Variants in KLHL1 observed in about 807,000 individuals in gnomAD.
The protein encoded by KLHL1 is kelch-like protein 1.
In KLHL1, 47 loss-of-function variants were observed where a neutral mutation model predicts 77.7. The ratio of observed to expected loss-of-function variants is 0.60; its 90% confidence interval spans 0.48 to 0.77. The LOEUF is 0.77. Ranked by LOEUF, KLHL1 falls within the 30% of genes least tolerant of loss-of-function variation. KLHL1 has a pLI of 0.00. For missense variants in KLHL1, 925 were observed against 910.8 expected (o/e 1.02, Z -0.20); for synonymous variants, 360 against 325.2 (o/e 1.11, Z -1.15).
intron 7 of KLHL1, among the ~76,000 whole-genome samples, chr13:69,775,643 G>A (rs545657258): frequency 5.9e-5 from 9 of 152,032 alleles, no homozygotes; most frequent in Non-Finnish European, 1.2e-4. Flanking sequence ...TTCATAAAGG[G>A]TTATTTTTTG....
intron 1 of KLHL1, among the ~76,000 whole-genome samples, chr13:70,068,370 CAAA>C (rs747930110): frequency 8.7e-6 from 1 of 115,512 alleles, no homozygotes; most frequent in African/African-American, 3.0e-5. Context: ...AAAACAAAAA[CAAA>C]AAAAAAGGAT....
intron 1 of KLHL1, among the ~76,000 whole-genome samples, chr13:70,036,911 C>T (rs1460909352): frequency 7.0e-6 from 1 of 142,140 alleles, no homozygotes; most frequent in Non-Finnish European, 1.5e-5. Flanking sequence ...TAGTGTTACC[C>T]CAAAATTAAT....
At chr13:69,984,150 A>G (rs1228801672) in intron 1 of KLHL1, among the ~76,000 whole-genome samples, 2 of 152,180 alleles carry the variant, frequency 1.3e-5, no homozygotes, top group Non-Finnish European at 1.5e-5. Context: ...GTACAAATAG[A>G]CAAGCGGGAA....
At chr13:69,744,526 T>C (rs541363624) in intron 7 of KLHL1, among the ~76,000 whole-genome samples, 1 of 150,690 alleles carries the variant, frequency 6.6e-6, no homozygotes, top group Non-Finnish European at 1.5e-5. Flanking sequence ...TATAAATACA[T>C]ATTAAATTAC....
intron 2 of KLHL1, among the ~76,000 whole-genome samples, chr13:69,969,620 ACC>A (rs1884320404): frequency 6.6e-6 from 1 of 152,140 alleles, no homozygotes. Flanking sequence ...ATATCGTGTA[ACC>A]TATATTATTC....
Position 69,719,450 on chromosome 13 carries a change from C to T in KLHL1, c.1934G>A (p.Cys645Tyr), listed in dbSNP as rs531126589. ...KRRGGVGVATCDGFLYAVGGH... is the reference protein window; with the variant it reads ...KRRGGVGVATYDGFLYAVGGH... ...TCCTACTGCATAAAGAAAACCGTCA[C>T]ATGTGGCCACTCCGACACCCCCTCT... Residue 645 changes from cysteine (C) to tyrosine (Y), a missense_variant, in exon 9 of 11, where the codon TGT becomes TAT. Cys to Tyr is a radical substitution (Grantham distance 194, BLOSUM62 -2). Coordinates refer to ENST00000377844, the MANE Select transcript of KLHL1 (RefSeq NM_020866.3). 62 of 1,613,516 alleles carry T rather than the reference C, an allele frequency of 3.8e-5. No homozygotes were observed. Among genetic ancestry groups the T allele is most frequent in the Non-Finnish European group, 5.1e-5 (60 of 1,179,774 alleles).
chr13:69,783,332 T>A (rs1245871017), intron 7 of KLHL1, among the ~76,000 whole-genome samples: 3 of 152,190 alleles, frequency 2.0e-5, no homozygotes, highest in Non-Finnish European at 4.4e-5. Context: ...GGAGAATGAC[T>A]TTGATGAGTT....
intron 1 of KLHL1, among the ~76,000 whole-genome samples, chr13:70,094,028 C>A (rs1257610336): frequency 6.6e-6 from 1 of 151,930 alleles, no homozygotes; most frequent in Non-Finnish European, 1.5e-5. Context: ...TTTAATTTAA[C>A]CAATCATGAA....
At chr13:69,796,510 C>G (rs2138037764) in intron 7 of KLHL1, among the ~76,000 whole-genome samples, 1 of 152,280 alleles carries the variant, frequency 6.6e-6, no homozygotes, top group Admixed American at 6.5e-5. Flanking sequence ...CATGGCCTCC[C>G]TTTGCCTTCT....
intron 1 of KLHL1, among the ~76,000 whole-genome samples, chr13:70,049,307 TA>T (rs1470506401): frequency 1.3e-5 from 2 of 152,156 alleles, no homozygotes; most frequent in East Asian, 1.9e-4. Flanking sequence ...TGAAGTTGAA[TA>T]AAAAATAATT....
intron 2 of KLHL1, among the ~76,000 whole-genome samples, chr13:69,967,372 C>T (rs369724710): frequency 4.3e-4 from 65 of 152,184 alleles, no homozygotes; most frequent in African/African-American, 1.5e-3. Context: ...TTTAAGACAT[C>T]AGTGGAGGAA....
intron 4 of KLHL1, among the ~76,000 whole-genome samples, chr13:69,926,704 T>G (rs947535989): frequency 6.6e-6 from 1 of 151,728 alleles, no homozygotes; most frequent in Non-Finnish European, 1.5e-5. Flanking sequence ...TCCCAGCACT[T>G]TGGGAGGCTG....
intron 3 of KLHL1, among the ~76,000 whole-genome samples, chr13:69,958,072 A>AT (rs1266040452): frequency 2.0e-5 from 3 of 151,632 alleles, no homozygotes; most frequent in East Asian, 3.9e-4. Flanking sequence ...AAGAATTATT[A>AT]TTTTTTTAAA....
intron 5 of KLHL1, among the ~76,000 whole-genome samples, chr13:69,855,509 A>G (rs552754372): frequency 1.1e-3 from 135 of 123,290 alleles, no homozygotes; most frequent in African/African-American, 4.2e-3. Flanking sequence ...TAATTTCCAC[A>G]TATCAAGGGA....
Position 70,093,157 on chromosome 13 carries a change from A to G in KLHL1, c.497+14046T>C, listed in dbSNP as rs906271205. 3.3e-5 allele frequency among the ~76,000 whole-genome samples: 5 copies of G among 152,178 alleles called. No homozygotes were observed. The South Asian group carries it at 8.3e-4, about 25-fold the overall frequency. On this transcript the variant is annotated intron_variant, in intron 1 of 10. Transcript: ENST00000377844. ...TAATTATGTGATTGTCTAGAATTGA[A>G]TATCTTAGAAGAGGTGAAAATACGA...
At chr13:70,002,859 A>T (rs570849991) in intron 1 of KLHL1, among the ~76,000 whole-genome samples, 141 of 151,854 alleles carry the variant, frequency 9.3e-4, no homozygotes, top group Non-Finnish European at 1.4e-3. Context: ...GTTGAAATAC[A>T]TTCTTAAGCA....
intron 9 of KLHL1, 75 bp downstream of exon 9, chr13:69,719,294 T>C: frequency 7.7e-7 from 1 of 1,305,534 alleles, no homozygotes. Context: ...AATGCAATTT[T>C]TCCAATCACT....
intron 7 of KLHL1, among the ~76,000 whole-genome samples, chr13:69,763,748 C>T (rs1442848602): frequency 2.0e-5 from 3 of 152,112 alleles, no homozygotes; most frequent in African/African-American, 4.8e-5. Flanking sequence ...CACTAGGCCC[C>T]CACAGACCAA....
rs543629615 is a variant in KLHL1 at position 69,944,945 on chromosome 13, G to A, written c.818-4709C>T. ...ACAAAATTTACTCAAAATGGATCAC[G>A]AAGCTAAATTCAAACATTAAACTAT... On this transcript the variant is annotated intron_variant, in intron 3 of 10. Transcript: ENST00000377844. 3.4e-5 allele frequency among the ~76,000 whole-genome samples: 5 copies of A among 146,616 alleles called. No homozygotes were observed. The East Asian group carries it at 6.0e-4, about 18-fold the overall frequency.
Sources: gnomAD v4.1 joint callset for allele counts (sites outside exome capture counted in the v4.1 genomes callset) on GRCh38, gnomAD v4.1.1 for gene constraint, MANE v1.5 for transcripts, NCBI Gene and HGNC (gene_info 2026-07-23, HGNC 2026-07-21) for gene names.